Variants in TAPBPL observed in about 807,000 individuals in gnomAD.
The protein encoded by TAPBPL is TAP binding protein like.
TAPBPL carries 32 observed loss-of-function variants against 44.8 expected under a neutral mutation model. The ratio of observed to expected loss-of-function variants is 0.71; its 90% CI spans 0.54 to 0.96. TAPBPL has a LOEUF of 0.96. TAPBPL is among the 40% of genes least tolerant of loss of function. The probability of loss-of-function intolerance (pLI) is 0.00; values close to 1 mark genes in which losing one functional copy is unlikely to be tolerated. For missense variants in TAPBPL, 520 were observed against 586.6 expected (o/e 0.89, Z 1.17); for synonymous variants, 230 against 240.7 (o/e 0.96, Z 0.41).
Position 6,452,202 on chromosome 12 carries a change from C to A in TAPBPL, c.-47C>A. 6.4e-7 allele frequency: 1 copy of A among 1,555,604 alleles called. No homozygotes were observed. Among genetic ancestry groups the A allele is most frequent in the Non-Finnish European group, 8.7e-7 (1 of 1,148,886 alleles). ...GCCGGGCCTCGCAAGCAGCGTAGGA[C>A]TGTGGAGAAGGGCGGTGGGCAAGGA... On this transcript the variant is annotated 5_prime_UTR_variant, in exon 1 of 7. It adds an upstream start codon to the 5' untranslated region. Transcript: ENST00000266556.
At chr12:6,452,465 G>T in intron 1 of TAPBPL, 153 bp downstream of exon 1, 1 of 1,441,060 alleles carries the variant, frequency 6.9e-7, no homozygotes, top group Non-Finnish European at 9.1e-7. Flanking sequence ...GCTGGCAAAG[G>T]AAGGAACCAA....
At position 6,452,229 on chromosome 12, in the gene TAPBPL, G is replaced by T; in HGVS notation, c.-20G>T. 1 of 1,566,002 alleles carries T rather than the reference G, an allele frequency of 6.4e-7. No individual in the cohort carries two copies. The highest frequency in any genetic ancestry group is 8.7e-7 in the Non-Finnish European group (1 of 1,155,342). On this transcript the variant is annotated 5_prime_UTR_variant, in exon 1 of 7. Transcript: ENST00000266556. ...GTGGAGAAGGGCGGTGGGCAAGGAG[G>T]GAACTCGAGAGCAGCCTCCATGGGC...
At position 6,454,986 on chromosome 12, in the gene TAPBPL, T is replaced by C. The variant is rs1949665845; in HGVS notation, c.565+1270T>C. Among the ~76,000 whole-genome samples, 2 of 152,204 alleles carry C rather than the reference T, an allele frequency of 1.3e-5. 1 individual carries two copies. The highest frequency in any genetic ancestry group is 4.1e-4 in the South Asian group (2 of 4,828). On this transcript the variant is annotated intron_variant, in intron 3 of 6. Coordinates refer to ENST00000266556, the MANE Select transcript of TAPBPL (RefSeq NM_018009.5). ...TCTGTGGTCCAACCTAAATCTATCCTGACCCATTAGAAAAAGGTCTTCATG... is the reference window on the plus strand; with the variant it reads ...TCTGTGGTCCAACCTAAATCTATCCCGACCCATTAGAAAAAGGTCTTCATG...
chr12:6,461,166 AG>A (rs1426311486), intron 6 of TAPBPL: 1 of 1,364,218 alleles, frequency 7.3e-7, no homozygotes, highest in African/African-American at 1.5e-5. Context: ...CAGAGTAGAA[AG>A]AAAGAGTAGT....
intron 3 of TAPBPL, among the ~76,000 whole-genome samples, chr12:6,455,921 A>C (rs1316254077): frequency 6.6e-6 from 1 of 151,930 alleles, no homozygotes. Flanking sequence ...CCACCACACC[A>C]GCTAATTTTT....
chr12:6,451,683 G>C (rs1449411191), upstream of TAPBPL: 9 of 377,080 alleles, frequency 2.4e-5, no homozygotes, highest in Non-Finnish European at 3.4e-5. Context: ...CATGCTACAA[G>C]ACGGGCAAAA....
At chr12:6,464,014 C>T (rs573338895), downstream of TAPBPL, 81 of 1,292,940 alleles carry the variant, frequency 6.3e-5, 1 homozygote, top group Admixed American at 8.9e-4. Flanking sequence ...CTCCACATGA[C>T]CAGGCAGTAC....
chr12:6,458,042 A>C (rs1339983421), intron 4 of TAPBPL, among the ~76,000 whole-genome samples: 3 of 152,188 alleles, frequency 2.0e-5, no homozygotes, highest in African/African-American at 7.2e-5. Flanking sequence ...CAGCAAACCA[A>C]GGCAGAGCAG....
At chr12:6,463,287 T>C, downstream of TAPBPL, 1 of 1,286,420 alleles carries the variant, frequency 7.8e-7, no homozygotes, top group Non-Finnish European at 9.9e-7. This position sits in a 1 kb window ranked among gnomAD's most constrained non-coding sequence, Gnocchi z 4.0. Context: ...AGCACAGCAA[T>C]ACACAAGCAC....
chr12:6,457,709 A>T lies in TAPBPL; in HGVS notation c.869A>T (p.Tyr290Phe). The change falls in exon 4 of 7, where the codon TAC becomes TTC. Residue 290 changes from tyrosine to phenylalanine, a missense_variant. Tyr to Phe is a conservative substitution (Grantham distance 22). Transcript: ENST00000266556. ...ATTTGCCAGATCACCACCTCTCTGT[A>T]CCGAGCTCAGCAGATCATCCAGCTC... is the stretch of plus-strand genomic sequence containing the variant. ...TYICQITTSL[Y>F]RAQQIIQLNI... 1 of 1,604,392 alleles carries T rather than the reference A, an allele frequency of 6.2e-7. No individual in the cohort carries two copies. Among genetic ancestry groups the T allele is most frequent in the Non-Finnish European group, 8.5e-7 (1 of 1,173,120 alleles).
chr12:6,461,588 C>A (rs1949862379), intron 6 of TAPBPL, among the ~76,000 whole-genome samples: 1 of 152,204 alleles, frequency 6.6e-6, no homozygotes, highest in Non-Finnish European at 1.5e-5. Context: ...AGCCCTGTCA[C>A]CAAGCCTAGC....
At chr12:6,459,483 A>C (rs902443931) in intron 5 of TAPBPL, among the ~76,000 whole-genome samples, 5 of 152,230 alleles carry the variant, frequency 3.3e-5, no homozygotes, top group Admixed American at 1.3e-4. Flanking sequence ...TACATGAATC[A>C]AGCAGTGTAG....
At position 6,453,766 on chromosome 12, in the gene TAPBPL, C is replaced by T. The variant is rs1206325798; in HGVS notation, c.565+50C>T. ...GGTGTGGTGGCTCACGCCTGTAATTCCAGAATTTTGGGATACCGAGGTCGG... is the reference window on the plus strand; with the variant it reads ...GGTGTGGTGGCTCACGCCTGTAATTTCAGAATTTTGGGATACCGAGGTCGG... On this transcript the variant is annotated intron_variant, in intron 3 of 6. Transcript: ENST00000266556. The surrounding 1 kb of genome is among the most constrained non-coding windows in gnomAD (Gnocchi z 4.8). The T allele has an allele frequency of 6.7e-7, 1 of 1,500,346 alleles. No homozygotes were observed. The highest frequency in any genetic ancestry group is 8.8e-7 in the Non-Finnish European group (1 of 1,130,430). 92.9% of individuals were successfully genotyped at this position (1,500,346 alleles called of 1,614,324 possible).
At chr12:6,456,636 GTTTT>G (rs1295626283) in intron 3 of TAPBPL, among the ~76,000 whole-genome samples, 4 of 150,766 alleles carry the variant, frequency 2.7e-5, no homozygotes, top group African/African-American at 9.8e-5. Context: ...TACCACGTGT[GTTTT>G]TTTGTTTTGT....
intron 3 of TAPBPL, among the ~76,000 whole-genome samples, chr12:6,454,259 A>C (rs889184297): frequency 6.6e-6 from 1 of 151,992 alleles, no homozygotes. Context: ...ACCTGAGGTC[A>C]GGAGTTCAAG....
At position 6,453,248 on chromosome 12, in the gene TAPBPL, A is replaced by G. The variant is rs578155041; in HGVS notation, c.246A>G (p.Gln82=). The G allele has an allele frequency of 2.5e-6, 4 of 1,614,044 alleles. No homozygotes were observed. Among genetic ancestry groups the G allele is most frequent in the Admixed American group, 3.3e-5 (2 of 60,006 alleles). The part of the protein sequence containing the change: ...DGSLEDFTDF[Q]GGTLAQDDPP... ...CCCTGGAGGACTTCACCGATTTCCA[A>G]GGGGGCACACTGGCCCAAGATGACC... The change falls in exon 2 of 7, where the codon CAA becomes CAG. Residue 82 remains glutamine, a synonymous_variant. Coordinates refer to ENST00000266556, the MANE Select transcript of TAPBPL (RefSeq NM_018009.5). This position sits in a 1 kb window ranked among gnomAD's most constrained non-coding sequence, Gnocchi z 4.8.
Position 6,457,760 on chromosome 12 carries a change from G to C in TAPBPL, c.904+16G>C. The C allele has an allele frequency of 6.5e-7, 1 of 1,549,402 alleles. No individual in the cohort carries two copies. The highest frequency in any genetic ancestry group is 8.8e-7 in the Non-Finnish European group (1 of 1,142,546). On this transcript the variant is annotated intron_variant, in intron 4 of 6. Transcript: ENST00000266556. ...AACATCCAAGGTGAGGCCAGGACAT[G>C]GTTATCCCAGGGAAGGGGATATAAC...
At chr12:6,471,179 G>C (rs1379920418), downstream of TAPBPL, among the ~76,000 whole-genome samples, 3 of 152,172 alleles carry the variant, frequency 2.0e-5, no homozygotes, top group South Asian at 2.1e-4. The surrounding 1 kb of genome is among the most constrained non-coding windows in gnomAD (Gnocchi z 4.0). Context: ...CAGGAGCCTC[G>C]AGACACAGCC....
downstream of TAPBPL, chr12:6,462,738 T>C: frequency 7.5e-7 from 1 of 1,326,614 alleles, no homozygotes; most frequent in Non-Finnish European, 1.0e-6. Flanking sequence ...TCTCCAGCGG[T>C]GACCCCCTGC....
Sources: allele counts gnomAD v4.1 joint callset (sites outside exome capture counted in the v4.1 genomes callset), GRCh38; gene constraint gnomAD v4.1.1; non-coding constraint Gnocchi (gnomAD v3.1); transcripts MANE v1.5; gene names NCBI Gene and HGNC (gene_info 2026-07-23, HGNC 2026-07-21).